Variants in SLC1A4 observed in about 807,000 individuals in gnomAD.
SLC1A4 encodes neutral amino acid transporter A.
A neutral mutation model predicts 37.7 loss-of-function variants in SLC1A4; 19 were observed. The observed-to-expected ratio is 0.50, with a 90% CI of 0.35 to 0.74. The LOEUF (loss-of-function observed/expected upper bound fraction) is 0.74, where lower values mean the gene tolerates loss of function less well. Among genes scored for constraint, SLC1A4 ranks in the 30% least tolerant of loss-of-function variants. SLC1A4 has a pLI of 0.01. For synonymous variants in SLC1A4, 299 were observed against 309.8 expected, an observed-to-expected ratio of 0.97 and a Z score of 0.37; for missense variants, 570 against 712.9, an observed-to-expected ratio of 0.80 and a Z score of 2.28.
chr2:65,007,706 T>C (rs150937736), intron 3 of SLC1A4, among the ~76,000 whole-genome samples: 26 of 152,324 alleles, frequency 1.7e-4, no homozygotes, highest in South Asian at 1.4e-3. Context: ...ATTTAAGAAA[T>C]TGAATAATAA....
chr2:65,004,145 G>A (rs1673585787), intron 3 of SLC1A4, 130 bp downstream of exon 3: 1 of 722,658 alleles, frequency 1.4e-6, no homozygotes, highest in Non-Finnish European at 2.4e-6. Flanking sequence ...AACAGGTTAG[G>A]TTTGCTCCTT....
chr2:64,996,965 G>A (rs1310068752), intron 1 of SLC1A4, among the ~76,000 whole-genome samples: 1 of 152,196 alleles, frequency 6.6e-6, no homozygotes, highest in African/African-American at 2.4e-5. Context: ...GAGAGCTCAG[G>A]AGTAAGAACC....
At chr2:65,015,410 G>A (rs986303626) in intron 4 of SLC1A4, among the ~76,000 whole-genome samples, 1 of 151,792 alleles carries the variant, frequency 6.6e-6, no homozygotes, top group Admixed American at 6.6e-5. Context: ...AATATAGGGT[G>A]AAAAAGAAAA....
chr2:64,997,803 G>A (rs1166649929), intron 1 of SLC1A4, among the ~76,000 whole-genome samples: 1 of 151,996 alleles, frequency 6.6e-6, no homozygotes, highest in African/African-American at 2.4e-5. Flanking sequence ...TATTTCTTGG[G>A]TAAATATCTA....
chr2:65,008,772 C>A (rs1432458147), intron 3 of SLC1A4, among the ~76,000 whole-genome samples: 1 of 152,180 alleles, frequency 6.6e-6, no homozygotes, highest in East Asian at 1.9e-4. Context: ...AATAATAGTT[C>A]TTGTTGGTTT....
chr2:65,003,590 G>T (rs1673559410), intron 2 of SLC1A4, among the ~76,000 whole-genome samples: 1 of 152,228 alleles, frequency 6.6e-6, no homozygotes, highest in Non-Finnish European at 1.5e-5. Context: ...TGGCATTATG[G>T]AGTTAATGCC....
In SLC1A4 at chr2:65,021,069, C is replaced by T. The variant is rs1674400382; in HGVS notation, c.1522C>T (p.Pro508Ser). 1 of 1,614,222 alleles carries T rather than the reference C, an allele frequency of 6.2e-7. No individual in the cohort carries two copies. ...PNCKSEEETS[P>S]LVTHQNPAGP... ...CTGCAAGTCTGAGGAGGAGACATCGCCCCTGGTGACACACCAGAACCCCGC... is the reference window on the plus strand; with the variant it reads ...CTGCAAGTCTGAGGAGGAGACATCGTCCCTGGTGACACACCAGAACCCCGC... The change falls in exon 8 of 8, where the codon CCC becomes TCC. Residue 508 changes from proline to serine, a missense_variant. Pro to Ser is a moderately conservative substitution (Grantham distance 74). Transcript: ENST00000234256.
In SLC1A4 at chr2:64,990,194, G is replaced by A. The variant is rs200033372; in HGVS notation, c.527+24G>A. On this transcript the variant is annotated intron_variant, in intron 1 of 7. Transcript: ENST00000234256. ...AGGTAACACTCTCCACCTCTCCCAG[G>A]GCCCAGTGGGAGACGCCAGTTCTCG... The A allele has an allele frequency of 2.6e-6, 4 of 1,551,462 alleles. No individual in the cohort carries two copies. In the East Asian group the frequency reaches 9.2e-5, roughly 36 times the overall value.
chr2:64,996,228 G>A (rs372122912), intron 1 of SLC1A4, among the ~76,000 whole-genome samples: 30 of 152,060 alleles, frequency 2.0e-4, no homozygotes, highest in African/African-American at 7.2e-4. Flanking sequence ...CAAAACACAG[G>A]TTCCACCAAA....
rs1003037400 is a variant in SLC1A4, at chr2:64,998,510, A to G, written c.528-2938A>G. Among the ~76,000 whole-genome samples, 6 of 151,852 alleles carry G rather than the reference A, an allele frequency of 4.0e-5. 1 individual carries two copies. Among genetic ancestry groups the G allele is most frequent in the African/African-American group, 1.5e-4 (6 of 41,344 alleles). On this transcript the variant is annotated intron_variant, in intron 1 of 7. Coordinates refer to ENST00000234256, the MANE Select transcript of SLC1A4 (RefSeq NM_003038.5). ...ATCAGAAACTGTCAAAACACATCAC[A>G]TTTTTCTTAGGAACTTGATTTTTGG... is the stretch of plus-strand genomic sequence containing the variant.
chr2:65,002,855 C>G (rs985686311), intron 2 of SLC1A4, among the ~76,000 whole-genome samples: 2 of 152,038 alleles, frequency 1.3e-5, no homozygotes, highest in Non-Finnish European at 2.9e-5. Flanking sequence ...GGATTACAGG[C>G]GTGAGCCACT....
chr2:65,001,935 T>C (rs1251706678), intron 2 of SLC1A4, among the ~76,000 whole-genome samples: 1 of 152,238 alleles, frequency 6.6e-6, no homozygotes, highest in African/African-American at 2.4e-5. Flanking sequence ...TATTTTGGTA[T>C]ACCTCTTTCA....
chr2:65,018,463 C>T lies in SLC1A4; in HGVS notation c.1230-82C>T. On this transcript the variant is annotated intron_variant, in intron 6 of 7. Coordinates refer to ENST00000234256, the MANE Select transcript of SLC1A4 (RefSeq NM_003038.5). The surrounding 1 kb of genome is among the most constrained non-coding windows in gnomAD (Gnocchi z 4.3). The stretch of plus-strand genomic sequence containing the variant: ...TGGGGCGGTTTTTAGTTTCCAGCCA[C>T]ATTGCAGCTGCATGGTCTGCATTTC... 1.3e-6 allele frequency: 2 copies of T among 1,564,446 alleles called. No individual in the cohort carries two copies. Among genetic ancestry groups the T allele is most frequent in the Non-Finnish European group, 8.7e-7 (1 of 1,152,430 alleles).
In SLC1A4 at chr2:65,018,496, C is replaced by T. The variant is rs1404340212; in HGVS notation, c.1230-49C>T. 2 of 1,603,192 alleles carry T rather than the reference C, an allele frequency of 1.2e-6. No homozygotes were observed. The highest frequency in any genetic ancestry group is 2.2e-5 in the South Asian group (2 of 89,968). ...CTGCATGGTCTGCATTTCTCTGTGT[C>T]CACTCCACGCTCTATGTTAATGGCT... On this transcript the variant is annotated intron_variant, in intron 6 of 7. Coordinates refer to ENST00000234256, the MANE Select transcript of SLC1A4 (RefSeq NM_003038.5). This position sits in a 1 kb window ranked among gnomAD's most constrained non-coding sequence, Gnocchi z 4.3.
At chr2:65,019,581 G>A (rs1440783084) in intron 7 of SLC1A4, among the ~76,000 whole-genome samples, 1 of 152,236 alleles carries the variant, frequency 6.6e-6, no homozygotes, top group African/African-American at 2.4e-5. Flanking sequence ...GGCAGGGCCT[G>A]GCACTGGGCT....
upstream of SLC1A4, chr2:64,989,371 G>T: frequency 3.1e-6 from 1 of 325,926 alleles, no homozygotes. Context: ...CCCCGTCTGC[G>T]TCCGCGTTCG....
intron 3 of SLC1A4, among the ~76,000 whole-genome samples, chr2:65,008,134 A>C (rs867627292): frequency 1.3e-5 from 2 of 152,188 alleles, no homozygotes; most frequent in African/African-American, 2.4e-5. Context: ...CTTGACCCTT[A>C]ATTCCAGTTA....
At chr2:65,002,599 A>C (rs1319287280) in intron 2 of SLC1A4, among the ~76,000 whole-genome samples, 1 of 73,744 alleles carries the variant, frequency 1.4e-5, no homozygotes, top group East Asian at 1.2e-3. Flanking sequence ...TTTTTTTGAG[A>C]CAGAGTCTCA....
chr2:64,994,212 C>T (rs547924291), intron 1 of SLC1A4, among the ~76,000 whole-genome samples: 1 of 152,366 alleles, frequency 6.6e-6, no homozygotes, highest in South Asian at 2.1e-4. Context: ...GGACAGAAGT[C>T]CCCACAGATT....
Sources: gnomAD v4.1 joint callset for allele counts (sites outside exome capture counted in the v4.1 genomes callset) on GRCh38, gnomAD v4.1.1 for gene constraint, Gnocchi (gnomAD v3.1) non-coding constraint, MANE v1.5 for transcripts, NCBI Gene and HGNC (gene_info 2026-07-23, HGNC 2026-07-21) for gene names.